The following SERPINB10 variants were observed in gnomAD, a reference collection of about 807,000 sequenced individuals.
SERPINB10 encodes the protein serpin B10.
A neutral mutation model predicts 39.1 loss-of-function variants in SERPINB10; 35 were observed. The ratio of observed to expected loss-of-function variants is 0.90; its 90% CI spans 0.68 to 1.19. The LOEUF (loss-of-function observed/expected upper bound fraction) is 1.19. Among genes scored for constraint, SERPINB10 ranks in the 50% most tolerant of loss-of-function variants. The pLI is 0.00. For synonymous variants in SERPINB10, 190 were observed against 158.1 expected, an observed-to-expected ratio of 1.20 and a Z score of -1.52; for missense variants, 546 against 460.5, an observed-to-expected ratio of 1.19 and a Z score of -1.70.
rs1202770282 is a variant in SERPINB10 at position 63,930,130 on chromosome 18, C to G, written c.576C>G (p.Ile192Met). 1.2e-6 allele frequency: 2 copies of G among 1,613,418 alleles called. No individual in the cohort carries two copies. Among genetic ancestry groups the G allele is most frequent in the Non-Finnish European group, 1.7e-6 (2 of 1,179,662 alleles). The change falls in exon 6 of 8, where the codon ATC becomes ATG. Residue 192 changes from isoleucine to methionine, a missense_variant. Physicochemically the swap from Ile to Met is conservative, Grantham distance 10. Transcript: ENST00000238508. ...ILVNALYFKG[I>M]WEHQFLVQNT... ...TGAACGCCCTATACTTTAAAGGAAT[C>G]TGGGAACATCAATTCTTAGTGCAAA...
Position 63,929,760 on chromosome 18 carries a change from A to C in SERPINB10, c.491-285A>C, listed in dbSNP as rs540810400. Among the ~76,000 whole-genome samples, 5 of 151,444 alleles carry C rather than the reference A, an allele frequency of 3.3e-5. No individual in the cohort carries two copies. The South Asian group carries it at 1.0e-3, about 31-fold the overall frequency. On this transcript the variant is annotated intron_variant, in intron 5 of 7. Coordinates refer to ENST00000238508, the MANE Select transcript of SERPINB10 (RefSeq NM_005024.3). ...AAAAAAAAAAAGAAATAGGGTTACA[A>C]ATCAACTTATATTACAGGGAAGTTT...
rs1179765746 is a variant in SERPINB10 at position 63,930,146 on chromosome 18, T to G, written c.592T>G (p.Leu198Val). The change falls in exon 6 of 8, where the codon TTA (leucine) becomes GTA (valine). Residue 198 changes from leucine to valine, a missense_variant. By Grantham distance (32) the Leu-to-Val change is conservative. Transcript: ENST00000238508. ...TAAAGGAATCTGGGAACATCAATTC[T>G]TAGTGCAAAACACCACAGAAAAGCC... ...YFKGIWEHQF[L>V]VQNTTEKPFR... The G allele has an allele frequency of 7.4e-6, 12 of 1,613,556 alleles. No individual in the cohort carries two copies. The highest frequency in any genetic ancestry group is 9.3e-6 in the Non-Finnish European group (11 of 1,179,648).
At chr18:63,916,419 T>G (rs1169689502) in intron 2 of SERPINB10, among the ~76,000 whole-genome samples, 2 of 150,398 alleles carry the variant, frequency 1.3e-5, no homozygotes, top group East Asian at 2.0e-4. Flanking sequence ...AATGACAGAA[T>G]TTTCACCCAA....
rs1568252175 is a variant in SERPINB10, at chr18:63,935,081, A to C, written c.1033A>C (p.Asn345His). ...NVFHKAFVEI[N>H]EQGTEAAAGS... The stretch of plus-strand genomic sequence containing the variant: ...TTTCCATAAGGCTTTTGTGGAAATA[A>C]ATGAACAAGGTACTGAAGCTGCAGC... Residue 345 changes from asparagine to histidine, a missense_variant, in exon 8 of 8, where the codon AAT becomes CAT. Transcript: ENST00000238508. 6.2e-7 allele frequency: 1 copy of C among 1,614,218 alleles called. No homozygotes were observed. Among genetic ancestry groups the C allele is most frequent in the Non-Finnish European group, 8.5e-7 (1 of 1,180,044 alleles).
At chr18:63,913,549 G>A (rs915767906) in intron 1 of SERPINB10, among the ~76,000 whole-genome samples, 5 of 151,948 alleles carry the variant, frequency 3.3e-5, no homozygotes, top group East Asian at 1.9e-4. Context: ...TCAGTAGCAC[G>A]TTGTTTAATT....
At chr18:63,924,965 A>C (rs1226609617) in intron 5 of SERPINB10, among the ~76,000 whole-genome samples, 2 of 151,996 alleles carry the variant, frequency 1.3e-5, no homozygotes, top group Non-Finnish European at 2.9e-5. Flanking sequence ...TCGACTATAT[A>C]TTTTAAGGCT....
intron 4 of SERPINB10, among the ~76,000 whole-genome samples, chr18:63,919,077 C>T (rs1781042157): frequency 1.3e-5 from 2 of 151,910 alleles, no homozygotes; most frequent in African/African-American, 4.8e-5. Context: ...TCCTACAAGC[C>T]CTGCATAAAG....
intron 1 of SERPINB10, among the ~76,000 whole-genome samples, chr18:63,911,226 T>G (rs1007615577): frequency 6.6e-6 from 1 of 152,134 alleles, no homozygotes; most frequent in African/African-American, 2.4e-5. Context: ...TCTTCCATTC[T>G]GTAGTTGTCT....
At chr18:63,929,988 T>C (rs2050209698) in intron 5 of SERPINB10, 57 bp from the exon 6 acceptor site, 8 of 1,550,778 alleles carry the variant, frequency 5.2e-6, no homozygotes, top group Non-Finnish European at 7.0e-6. Flanking sequence ...TGGTTGTCTT[T>C]AGTTAAAATA....
chr18:63,919,900 C>A lies in SERPINB10; in HGVS notation c.485C>A (p.Thr162Asn), dbSNP rs765569946. The A allele has an allele frequency of 9.4e-6, 15 of 1,598,900 alleles. No individual in the cohort carries two copies. The highest frequency in any genetic ancestry group is 1.3e-5 in the Non-Finnish European group (15 of 1,171,630). ...ATCAACTCTTGGGTTGAAAGACAGA[C>A]CGAGGGTAAGCTTTCACCAAGGGGT... The part of the protein sequence containing the change: ...KDINSWVERQ[T>N]EGKIQNLLPD... The change falls in exon 5 of 8, where the codon ACC becomes AAC. Residue 162 changes from threonine (T) to asparagine (N), a missense_variant. Thr to Asn is a moderately conservative substitution (Grantham distance 65). Coordinates refer to ENST00000238508, the MANE Select transcript of SERPINB10 (RefSeq NM_005024.3).
At chr18:63,914,844 T>C (rs1346824304) in intron 1 of SERPINB10, among the ~76,000 whole-genome samples, 1 of 151,882 alleles carries the variant, frequency 6.6e-6, no homozygotes, top group Non-Finnish European at 1.5e-5. Flanking sequence ...AGATGTTGAG[T>C]ATAATATCAA....
intron 1 of SERPINB10, among the ~76,000 whole-genome samples, chr18:63,911,627 T>C (rs1215239698): frequency 1.3e-5 from 2 of 152,108 alleles, no homozygotes; most frequent in African/African-American, 2.4e-5. Flanking sequence ...TTCTGTTCCA[T>C]TGGCCTATGT....
Position 63,935,599 on chromosome 18 carries a change from A to C in SERPINB10, c.*357A>C, listed in dbSNP as rs2050257706. 5.8e-6 allele frequency: 1 copy of C among 171,670 alleles called. No homozygotes were observed. The highest frequency in any genetic ancestry group is 1.2e-5 in the Non-Finnish European group (1 of 81,212). 10.6% of individuals were successfully genotyped at this position (171,670 alleles called of 1,614,324 possible). A position where few individuals can be genotyped will look rare whatever the true frequency, so the allele number is the denominator to read the frequency against. On this transcript the variant is annotated 3_prime_UTR_variant, in exon 8 of 8. Coordinates refer to ENST00000238508, the MANE Select transcript of SERPINB10 (RefSeq NM_005024.3). ...CATCATTAAATGAAAAAAAATCTTT[A>C]TAAAGGTGATATGATATTGATAAAT...
rs1482811669 is a variant in SERPINB10, at chr18:63,918,714, C to T, written c.372+612C>T. On this transcript the variant is annotated intron_variant, in intron 4 of 7. Transcript: ENST00000238508. ...CTTGTGATTTCAAGCAATGCTATCTCTGTTCAAATCTAGTGAATTCTGGGG... is the reference window on the plus strand; with the variant it reads ...CTTGTGATTTCAAGCAATGCTATCTTTGTTCAAATCTAGTGAATTCTGGGG... Among the ~76,000 whole-genome samples the T allele has an allele frequency of 2.6e-5, 4 of 152,102 alleles. No homozygotes were observed. The East Asian group carries it at 7.8e-4, about 30-fold the overall frequency.
intron 6 of SERPINB10, among the ~76,000 whole-genome samples, chr18:63,932,034 A>G (rs1599093773): frequency 6.6e-6 from 1 of 152,198 alleles, no homozygotes; most frequent in South Asian, 2.1e-4. Context: ...GGCTGGCTCC[A>G]TTCACTATGA....
chr18:63,925,284 C>T (rs921044841), intron 5 of SERPINB10, among the ~76,000 whole-genome samples: 1 of 151,908 alleles, frequency 6.6e-6, no homozygotes, highest in Non-Finnish European at 1.5e-5. Flanking sequence ...CATACATTTC[C>T]TAGCCCCATT....
rs996020623 is a variant in SERPINB10, at chr18:63,917,979, C to A, written c.249C>A (p.Ser83Arg). The change falls in exon 4 of 8, where the codon AGC becomes AGA. Residue 83 changes from serine (S) to arginine (R), a missense_variant. Transcript: ENST00000238508. ...CTCTTTTAAAGGAATTCAACTTGAG[C>A]AACTCGGAAGAAATACACTCTGATT... ...EKKRKMEFNL[S>R]NSEEIHSDFQ... is the part of the protein sequence containing the mutation. 1.2e-6 allele frequency: 2 copies of A among 1,611,546 alleles called. No homozygotes were observed. The highest frequency in any genetic ancestry group is 2.7e-5 in the African/African-American group (2 of 74,778).
chr18:63,916,847 C>T (rs8084931), intron 2 of SERPINB10, among the ~76,000 whole-genome samples: 56,543 of 151,800 alleles, frequency 0.37, 14,048 homozygotes, highest in African/African-American at 0.7. Context: ...AGCAGTATAC[C>T]GTATTTCTTA....
At position 63,935,041 on chromosome 18, in the gene SERPINB10, A is replaced by G. The variant is rs757657747; in HGVS notation, c.993A>G (p.Leu331=). Reference sequence around the variant, plus strand: ...CAGGAATGTCTTCAGCAAGAAACCTATTTTTGTCCAATGTTTTCCATAAGG... The same window carrying G: ...CAGGAATGTCTTCAGCAAGAAACCTGTTTTTGTCCAATGTTTTCCATAAGG... ...DFSGMSSARN[L]FLSNVFHKAF... Residue 331 remains leucine (L), a synonymous_variant, in exon 8 of 8, where the codon CTA becomes CTG. Transcript: ENST00000238508. 16 of 1,614,050 alleles carry G rather than the reference A, an allele frequency of 9.9e-6. No individual in the cohort carries two copies. The highest frequency in any genetic ancestry group is 1.6e-4 in the Middle Eastern group (1 of 6,084).
Sources: allele counts gnomAD v4.1 joint callset (sites outside exome capture counted in the v4.1 genomes callset), GRCh38; gene constraint gnomAD v4.1.1; transcripts MANE v1.5; gene names NCBI Gene and HGNC (gene_info 2026-07-23, HGNC 2026-07-21).